Variants in NUP210 observed in about 807,000 individuals in gnomAD.
The protein encoded by NUP210 is nuclear pore membrane glycoprotein 210.
In NUP210, 151 loss-of-function variants were observed where a neutral mutation model predicts 196.0. The ratio of observed to expected loss-of-function variants is 0.77; its 90% CI spans 0.67 to 0.88. NUP210 has a LOEUF of 0.88. NUP210 is among the 40% of genes least tolerant of loss of function. The probability of loss-of-function intolerance (pLI) is 0.00; values close to 1 mark genes in which losing one functional copy is unlikely to be tolerated. For missense variants in NUP210, 2,314 were observed against 2,493.7 expected, an observed-to-expected ratio of 0.93 and a Z score of 1.53; for synonymous variants, 1,070 against 1,052.7, an observed-to-expected ratio of 1.02 and a Z score of -0.32.
chr3:13,393,297 G>A (rs1344276177), intron 3 of NUP210, among the ~76,000 whole-genome samples: 4 of 152,160 alleles, frequency 2.6e-5, no homozygotes, highest in Non-Finnish European at 5.9e-5. Context: ...CAAGGAAAAC[G>A]GTGGGAGAGA....
rs188649907 is a variant in NUP210 at position 13,368,413 on chromosome 3, C to T, written c.1787-2322G>A. ...CTTAAAAAAAAGTTTTAAAAAAATTCTGATAAAATACAACTAAGATAAAAT... is the reference window on the plus strand; with the variant it reads ...CTTAAAAAAAAGTTTTAAAAAAATTTTGATAAAATACAACTAAGATAAAAT... On this transcript the variant is annotated intron_variant, in intron 13 of 39. Transcript: ENST00000254508. 2.6e-5 allele frequency among the ~76,000 whole-genome samples: 4 copies of T among 152,328 alleles called. No individual in the cohort carries two copies. The East Asian group carries it at 7.7e-4, about 29-fold the overall frequency.
chr3:13,340,230 T>G lies in NUP210; in HGVS notation c.3291+6A>C. 3 of 1,613,374 alleles carry G rather than the reference T, an allele frequency of 1.9e-6. No individual in the cohort carries two copies. Among genetic ancestry groups the G allele is most frequent in the Non-Finnish European group, 2.5e-6 (3 of 1,179,970 alleles). On this transcript the variant is annotated splice_donor_region_variant and intron_variant, in intron 24 of 39. Transcript: ENST00000254508. The surrounding 1 kb of genome is among the most constrained non-coding windows in gnomAD (Gnocchi z 4.0). The stretch of plus-strand genomic sequence containing the variant: ...CTGGAGCAGGACGTGGCCTCTTGGC[T>G]CTCACCTGCATCGTGGCCCCGATAA...
rs995640184 is a variant in NUP210, at chr3:13,337,726, G to C, written c.3552+111C>G. 5 of 992,846 alleles carry C rather than the reference G, an allele frequency of 5.0e-6. No homozygotes were observed. The African/African-American group carries it at 6.5e-5, about 13-fold the overall frequency. 61.5% of individuals were successfully genotyped at this position (992,846 alleles called of 1,614,324 possible). The stretch of plus-strand genomic sequence containing the variant: ...GGGGACAGGTGGGAAGCAGGCCCTA[G>C]ATACCCGGGCCAGGCAGATGGAGGA... On this transcript the variant is annotated intron_variant, in intron 26 of 39. Coordinates refer to ENST00000254508, the MANE Select transcript of NUP210 (RefSeq NM_024923.4).
At chr3:13,417,688 G>A (rs182244150) in intron 1 of NUP210, among the ~76,000 whole-genome samples, 12 of 152,250 alleles carry the variant, frequency 7.9e-5, no homozygotes, top group African/African-American at 2.9e-4. Flanking sequence ...CAAGTTAAGG[G>A]GGAATCACAA....
chr3:13,383,120 G>A lies in NUP210; in HGVS notation c.817+3155C>T, dbSNP rs535763435. 2.6e-4 allele frequency among the ~76,000 whole-genome samples: 40 copies of A among 152,208 alleles called. 1 individual carries two copies. The South Asian group carries it at 3.1e-3, about 12-fold the overall frequency. On this transcript the variant is annotated intron_variant, in intron 6 of 39. Coordinates refer to ENST00000254508, the MANE Select transcript of NUP210 (RefSeq NM_024923.4). Reference sequence around the variant, plus strand: ...GATCATGATACTGCACTCCCAACATGGGTGACAAAGCAAGACTCTCTCTCA... The same window carrying A: ...GATCATGATACTGCACTCCCAACATAGGTGACAAAGCAAGACTCTCTCTCA...
At chr3:13,413,988 C>T (rs1179199364) in intron 1 of NUP210, among the ~76,000 whole-genome samples, 6 of 152,208 alleles carry the variant, frequency 3.9e-5, no homozygotes, top group Non-Finnish European at 5.9e-5. Flanking sequence ...TTCCCACTGT[C>T]GCATGAGGCC....
chr3:13,342,391 A>C (rs1379874860), intron 21 of NUP210, among the ~76,000 whole-genome samples: 11 of 152,246 alleles, frequency 7.2e-5, no homozygotes, highest in Admixed American at 7.2e-4. Flanking sequence ...CACCACTTAG[A>C]ACAGCAGCAT....
chr3:13,375,618 C>A lies in NUP210; in HGVS notation c.1317G>T (p.Gln439His), dbSNP rs143611066. 6.2e-7 allele frequency: 1 copy of A among 1,614,012 alleles called. No homozygotes were observed. The highest frequency in any genetic ancestry group is 1.1e-5 in the South Asian group (1 of 91,078). ...VDQDGGVHIL[Q>H]VPVWNQQEVE... ...CCTCCTGCTGGTTCCACACAGGCAC[C>A]TGTAGTATGTGGACCCCTCCATCCT... The change falls in exon 11 of 40, where the codon CAG becomes CAT. Residue 439 changes from glutamine to histidine, a missense_variant. By Grantham distance (24) the Gln-to-His change is conservative. Coordinates refer to ENST00000254508, the MANE Select transcript of NUP210 (RefSeq NM_024923.4).
intron 1 of NUP210, among the ~76,000 whole-genome samples, chr3:13,412,669 T>C (rs1700216478): frequency 2.0e-5 from 3 of 150,092 alleles, no homozygotes; most frequent in African/African-American, 2.5e-5. Context: ...AGCCAAGATC[T>C]TGCCACTGTA....
intron 3 of NUP210, among the ~76,000 whole-genome samples, chr3:13,396,819 G>A (rs6807014): frequency 0.59 from 87,326 of 148,714 alleles, 27,013 homozygotes; most frequent in African/African-American, 0.79. Context: ...ACCTAGAAGA[G>A]TTCCAGCCTG....
At chr3:13,376,143 T>C (rs546777717) in intron 10 of NUP210, 148 bp downstream of exon 10, 8 of 753,202 alleles carry the variant, frequency 1.1e-5, no homozygotes, top group East Asian at 1.0e-4. Context: ...CTAAGGAAAA[T>C]AGAACCCAGG....
rs889297889 is a variant in NUP210 at position 13,413,477 on chromosome 3, A to AAAAC, written c.167+6579_167+6582dup. 4.6e-5 allele frequency among the ~76,000 whole-genome samples: 7 copies of AAAAC among 152,022 alleles called. No homozygotes were observed. The East Asian group carries it at 1.4e-3, about 29-fold the overall frequency. ...AGAGCAAGACTCTGTCTCAAAAAAAAAAACAAACAAACAAAAAAGGAAACC... is the reference window on the plus strand; with the variant it reads ...AGAGCAAGACTCTGTCTCAAAAAAAAAAACAAACAAACAAACAAAAAAGGAAACC... On this transcript the variant is annotated intron_variant, in intron 1 of 39. Coordinates refer to ENST00000254508, the MANE Select transcript of NUP210 (RefSeq NM_024923.4).
At chr3:13,375,841 C>T (rs1477888460) in intron 10 of NUP210, among the ~76,000 whole-genome samples, 200 bp from the exon 11 acceptor site, 1 of 152,186 alleles carries the variant, frequency 6.6e-6, no homozygotes, top group Non-Finnish European at 1.5e-5. Context: ...TCTGGAAATG[C>T]TGCCTGACTG....
intron 29 of NUP210, among the ~76,000 whole-genome samples, chr3:13,331,429 C>A (rs1696991254): frequency 6.6e-6 from 1 of 152,180 alleles, no homozygotes; most frequent in Non-Finnish European, 1.5e-5. Context: ...CTTCCCCCAC[C>A]AACCCCTTCC....
rs540553801 is a variant in NUP210 at position 13,350,274 on chromosome 3, G to C, written c.2835+1605C>G. Among the ~76,000 whole-genome samples, 1 of 151,944 alleles carries C rather than the reference G, an allele frequency of 6.6e-6. No individual in the cohort carries two copies. Among genetic ancestry groups the C allele is most frequent in the African/African-American group, 2.4e-5 (1 of 41,306 alleles). On this transcript the variant is annotated intron_variant, in intron 20 of 39. Transcript: ENST00000254508. The surrounding 1 kb of genome is among the most constrained non-coding windows in gnomAD (Gnocchi z 4.1). ...AGCCTGTGTGTTTGTGTGTGTGTGCGCGTGTGTTTTTGTGTCTTCAGCAAA... is the reference window on the plus strand; with the variant it reads ...AGCCTGTGTGTTTGTGTGTGTGTGCCCGTGTGTTTTTGTGTCTTCAGCAAA...
rs774007395 is a variant in NUP210, at chr3:13,322,292, C to G, written c.4816G>C (p.Glu1606Gln). ...TGGGACTGGCAGCTGATGAGGGTCT[C>G]TGGGTGCAAGGCCTGGATGACTTCC... ...QREVIQALHP[E>Q]TLISCQSQFK... is the part of the protein sequence containing the mutation. Residue 1606 changes from glutamate to glutamine, a missense_variant, in exon 35 of 40, where the codon GAG becomes CAG. By Grantham distance (29) the Glu-to-Gln change is conservative. Coordinates refer to ENST00000254508, the MANE Select transcript of NUP210 (RefSeq NM_024923.4). 1 of 1,614,212 alleles carries G rather than the reference C, an allele frequency of 6.2e-7. No individual in the cohort carries two copies. The highest frequency in any genetic ancestry group is 1.1e-5 in the South Asian group (1 of 91,076).
In NUP210 at chr3:13,340,816, G is replaced by T. The variant is rs6442372; in HGVS notation, c.3229-518C>A. On this transcript the variant is annotated intron_variant, in intron 23 of 39. Coordinates refer to ENST00000254508, the MANE Select transcript of NUP210 (RefSeq NM_024923.4). This position sits in a 1 kb window ranked among gnomAD's most constrained non-coding sequence, Gnocchi z 4.0. ...ATTAGCCTGGGAGGAGACCAGGGACGTTGGTGCCACTCTTTGCAGCAGGTG... is the reference window on the plus strand; with the variant it reads ...ATTAGCCTGGGAGGAGACCAGGGACTTTGGTGCCACTCTTTGCAGCAGGTG... Among the ~76,000 whole-genome samples the T allele has an allele frequency of 6.6e-6, 1 of 152,078 alleles. No homozygotes were observed. Among genetic ancestry groups the T allele is most frequent in the Admixed American group, 6.5e-5 (1 of 15,280 alleles).
Position 13,321,832 on chromosome 3 carries a change from T to C in NUP210, c.4919A>G (p.Gln1640Arg). ...GTGCATTGTGATTGAGCAGAAGTACTGGCCTGCGAAGACAAGGGTGTATTG... is the reference window on the plus strand; with the variant it reads ...GTGCATTGTGATTGAGCAGAAGTACCGGCCTGCGAAGACAAGGGTGTATTG... ...VEPQFDTALG[Q>R]YFCSITMHRL... The change falls in exon 36 of 40, where the codon CAG becomes CGG. Residue 1640 changes from glutamine to arginine, a missense_variant. Gln to Arg is a conservative substitution (Grantham distance 43, BLOSUM62 1). Coordinates refer to ENST00000254508, the MANE Select transcript of NUP210 (RefSeq NM_024923.4). 6.2e-7 allele frequency: 1 copy of C among 1,603,918 alleles called. No individual in the cohort carries two copies.
rs912219953 is a variant in NUP210, at chr3:13,379,699, C to G, written c.840G>C (p.Gln280His). The G allele has an allele frequency of 6.2e-7, 1 of 1,607,550 alleles. No homozygotes were observed. Among genetic ancestry groups the G allele is most frequent in the South Asian group, 1.1e-5 (1 of 90,520 alleles). Reference protein sequence around the residue: ...KITELSMPSDQYELQLQNSIP... With the variant: ...KITELSMPSDHYELQLQNSIP... ...TGCTGTTCTGAAGCTGCAACTCGTA[C>G]TGATCGGAAGGCATGGAGAGTTCTG... The change falls in exon 7 of 40, where the codon CAG becomes CAC. Residue 280 changes from glutamine (Q) to histidine (H), a missense_variant. Transcript: ENST00000254508. The surrounding 1 kb of genome is among the most constrained non-coding windows in gnomAD (Gnocchi z 4.2).
Sources: allele counts gnomAD v4.1 joint callset (sites outside exome capture counted in the v4.1 genomes callset), GRCh38; gene constraint gnomAD v4.1.1; non-coding constraint Gnocchi (gnomAD v3.1); transcripts MANE v1.5; gene names NCBI Gene and HGNC (gene_info 2026-07-23, HGNC 2026-07-21).